ABCD2: variants seen among roughly 807,000 people sequenced by gnomAD.
ABCD2 encodes ATP binding cassette subfamily D member 2, also known as ATP-binding cassette sub-family D member 2.
A neutral mutation model predicts 70.9 loss-of-function variants in ABCD2; 36 were observed. The observed-to-expected ratio is 0.51, with a 90% CI of 0.39 to 0.67. The LOEUF (loss-of-function observed/expected upper bound fraction) is 0.67, where lower values mean the gene tolerates loss of function less well. ABCD2 is among the 30% of genes least tolerant of loss of function. ABCD2 has a pLI of 0.00. For synonymous variants in ABCD2, 304 were observed against 306.9 expected (o/e 0.99, Z 0.10); for missense variants, 729 against 890.2 (o/e 0.82, Z 2.30).
chr12:39,602,176 A>G (rs1467027728), intron 5 of ABCD2, among the ~76,000 whole-genome samples: 2 of 137,446 alleles, frequency 1.5e-5, no homozygotes, highest in African/African-American at 2.8e-5. Flanking sequence ...TATTTTTTAT[A>G]CTGAGTCTTA....
At position 39,618,755 on chromosome 12, in the gene ABCD2, A is replaced by G. The variant is rs781012632; in HGVS notation, c.861T>C (p.His287=). Residue 287 remains histidine, a synonymous_variant, in exon 1 of 10, where the codon CAT becomes CAC. Transcript: ENST00000308666. ...KFGKLVAEEA[H]RKGYLRYVHS... ...GCACATACCGCAAATAGCCTTTTCTATGTGCTTCCTCTGCCACCAGTTTGC... is the reference window on the plus strand; with the variant it reads ...GCACATACCGCAAATAGCCTTTTCTGTGTGCTTCCTCTGCCACCAGTTTGC... 4 of 1,614,226 alleles carry G rather than the reference A, an allele frequency of 2.5e-6. No individual in the cohort carries two copies. Among genetic ancestry groups the G allele is most frequent in the Non-Finnish European group, 3.4e-6 (4 of 1,180,036 alleles).
At chr12:39,596,284 C>G (rs1941813792) in intron 6 of ABCD2, among the ~76,000 whole-genome samples, 1 of 152,142 alleles carries the variant, frequency 6.6e-6, no homozygotes, top group African/African-American at 2.4e-5. Flanking sequence ...TTTTGAACAT[C>G]CATAGCATTT....
chr12:39,600,838 T>A, intron 5 of ABCD2, 122 bp from the exon 6 acceptor site: 1 of 833,204 alleles, frequency 1.2e-6, no homozygotes, highest in Admixed American at 3.4e-5. Flanking sequence ...GGGCAAAAGA[T>A]CAAGGAAAAA....
rs1243342986 is a variant in ABCD2 at position 39,579,558 on chromosome 12, G to A, written c.1854C>T (p.Gly618=). ...VLSGGEKQRM[G]MARMFYHKPK... ...ACTTATGATAAAACATACGAGCCAT[G>A]CCCATTCTTTGCTTTTCCCCTCCTG... The change falls in exon 8 of 10, where the codon GGC becomes GGT. Residue 618 remains glycine (G), a synonymous_variant. Transcript: ENST00000308666. The A allele has an allele frequency of 6.2e-6, 10 of 1,613,120 alleles. No homozygotes were observed. The highest frequency in any genetic ancestry group is 8.5e-6 in the Non-Finnish European group (10 of 1,179,354).
chr12:39,611,589 A>G (rs1194109263), intron 2 of ABCD2, among the ~76,000 whole-genome samples: 1 of 152,138 alleles, frequency 6.6e-6, no homozygotes, highest in Non-Finnish European at 1.5e-5. Context: ...GAAATGAAAA[A>G]CCAAGGAAAT....
chr12:39,606,785 G>A (rs1941975028), intron 3 of ABCD2, among the ~76,000 whole-genome samples: 1 of 152,180 alleles, frequency 6.6e-6, no homozygotes, highest in South Asian at 2.1e-4. Context: ...GGAACATTGT[G>A]TAATATCTGA....
In ABCD2 at chr12:39,619,172, G is replaced by C. The variant is rs1414028696; in HGVS notation, c.444C>G (p.Ile148Met). The change falls in exon 1 of 10, where the codon ATC (isoleucine) becomes ATG (methionine). Residue 148 changes from isoleucine (I) to methionine (M), a missense_variant. Transcript: ENST00000308666. Reference protein sequence around the residue: ...KKPRTFIIKLIKWLMIAIPAT... With the variant: ...KKPRTFIIKLMKWLMIAIPAT... ...CAGGGATGGCAATCATAAGCCACTT[G>C]ATTAATTTGATGATGAAAGTCCGAG... The C allele has an allele frequency of 6.2e-7, 1 of 1,614,052 alleles. No individual in the cohort carries two copies.
intron 9 of ABCD2, among the ~76,000 whole-genome samples, chr12:39,568,500 G>C (rs1941394108): frequency 6.6e-6 from 1 of 152,036 alleles, no homozygotes; most frequent in Non-Finnish European, 1.5e-5. Flanking sequence ...GGACTTCTCT[G>C]CATTGGTTTT....
At position 39,586,242 on chromosome 12, in the gene ABCD2, C is replaced by T; in HGVS notation, c.1702G>A (p.Asp568Asn). 6.2e-7 allele frequency: 1 copy of T among 1,613,510 alleles called. No homozygotes were observed. The highest frequency in any genetic ancestry group is 1.3e-5 in the African/African-American group (1 of 74,996). Reference protein sequence around the residue: ...RDQVIYPDSVDDMHDKGYTDQ... With the variant: ...RDQVIYPDSVNDMHDKGYTDQ... ...GTATAACCTTTATCATGCATATCAT[C>T]CACTGAATCAGGGTAAATGACTTGA... The change falls in exon 7 of 10, where the codon GAT (aspartate) becomes AAT (asparagine). Residue 568 changes from aspartate to asparagine, a missense_variant. Physicochemically the swap from Asp to Asn is conservative, Grantham distance 23 (BLOSUM62 1). This residue lies in a region of ABCD2 where 289 missense variants were observed against 328.8 expected (regional missense o/e 0.88). Transcript: ENST00000308666.
chr12:39,574,856 G>A (rs2120598586), intron 8 of ABCD2, among the ~76,000 whole-genome samples: 1 of 152,218 alleles, frequency 6.6e-6, no homozygotes, highest in Non-Finnish European at 1.5e-5. Flanking sequence ...AAATCGATTT[G>A]CTTATTAATA....
chr12:39,544,083 C>T, the ABCD2 span, among the ~76,000 whole-genome samples: 2 of 152,156 alleles, frequency 1.3e-5, no homozygotes, highest in African/African-American at 4.8e-5. Flanking sequence ...TTATTACTCA[C>T]ATCAGTCTCC....
At chr12:39,587,413 C>T (rs770517518) in intron 6 of ABCD2, among the ~76,000 whole-genome samples, 5 of 152,106 alleles carry the variant, frequency 3.3e-5, no homozygotes, top group Non-Finnish European at 7.4e-5. Context: ...TAGCATTATG[C>T]CTGATGTCTA....
At chr12:39,545,110 A>G (rs574289617), downstream of ABCD2, among the ~76,000 whole-genome samples, 1 of 152,296 alleles carries the variant, frequency 6.6e-6, no homozygotes, top group South Asian at 2.1e-4. Flanking sequence ...CCCCATTTTT[A>G]TTAAAAACAA....
At chr12:39,597,597 A>C (rs1941834427) in intron 6 of ABCD2, among the ~76,000 whole-genome samples, 1 of 152,198 alleles carries the variant, frequency 6.6e-6, no homozygotes, top group African/African-American at 2.4e-5. Flanking sequence ...GAGAGCAGTG[A>C]GTTTCAATCA....
the ABCD2 span, among the ~76,000 whole-genome samples, chr12:39,533,225 AT>A: frequency 6.6e-6 from 1 of 152,136 alleles, no homozygotes; most frequent in Admixed American, 6.5e-5. Flanking sequence ...ATGCTTACCA[AT>A]TTATTCACAT....
the ABCD2 span, among the ~76,000 whole-genome samples, chr12:39,539,092 A>G: frequency 6.6e-6 from 1 of 152,178 alleles, no homozygotes; most frequent in Non-Finnish European, 1.5e-5. Flanking sequence ...CCCTTCAATA[A>G]GATACTTTGA....
intron 9 of ABCD2, among the ~76,000 whole-genome samples, chr12:39,565,312 TG>T (rs1176469959): frequency 7.2e-5 from 11 of 152,284 alleles, no homozygotes; most frequent in African/African-American, 2.2e-4. Flanking sequence ...CATTGAGCAG[TG>T]GTTTGTAGTT....
rs184499594 is a variant in ABCD2 at position 39,602,343 on chromosome 12, A to G, written c.1500+1569T>C. On this transcript the variant is annotated intron_variant, in intron 5 of 9. Coordinates refer to ENST00000308666, the MANE Select transcript of ABCD2 (RefSeq NM_005164.4). Reference sequence around the variant, plus strand: ...AATTTTTGTATTTTTTAGTAGAGACAGGGTTTCACCATGTTGGCCAGGCTG... The same window carrying G: ...AATTTTTGTATTTTTTAGTAGAGACGGGGTTTCACCATGTTGGCCAGGCTG... 7.7e-3 allele frequency among the ~76,000 whole-genome samples: 1,167 copies of G among 151,620 alleles called. 19 individuals are homozygous for G. The highest frequency in any genetic ancestry group is 0.026 in the African/African-American group (1,076 of 41,366).
At chr12:39,604,037 CATT>C (rs1237161104) in intron 4 of ABCD2, 31 bp from the exon 5 acceptor site, 1 of 1,433,944 alleles carries the variant, frequency 7.0e-7, no homozygotes, top group Non-Finnish European at 9.8e-7. Context: ...AAGATACAAA[CATT>C]ATCACAGGTT....
Sources: gnomAD v4.1 joint callset for allele counts (sites outside exome capture counted in the v4.1 genomes callset) on GRCh38, gnomAD v4.1.1 for gene constraint, gnomAD v4.1.1 regional missense constraint, MANE v1.5 for transcripts, NCBI Gene and HGNC (gene_info 2026-07-23, HGNC 2026-07-21) for gene names.